The following AKAP10 variants were observed in gnomAD, a reference collection of about 807,000 sequenced individuals.
AKAP10 encodes the protein A-kinase anchoring protein 10.
AKAP10 carries 24 observed loss-of-function variants against 80.8 expected under a neutral mutation model. That is an observed-to-expected ratio of 0.30 (90% CI 0.22 to 0.42). The LOEUF is 0.42. Among genes scored for constraint, AKAP10 ranks in the 10% least tolerant of loss-of-function variants. The pLI, the probability that AKAP10 is intolerant of heterozygous loss-of-function variation, is 1.00. For synonymous variants in AKAP10, 291 were observed against 277.7 expected, an observed-to-expected ratio of 1.05 and a Z score of -0.48; for missense variants, 661 against 794.9, an observed-to-expected ratio of 0.83 and a Z score of 2.03.
chr17:19,950,440 C>G (rs908189154), intron 4 of AKAP10, among the ~76,000 whole-genome samples: 2 of 152,222 alleles, frequency 1.3e-5, no homozygotes, highest in Admixed American at 6.5e-5. Context: ...CTGCAGAGTG[C>G]CTGGGATTGC....
intron 4 of AKAP10, among the ~76,000 whole-genome samples, chr17:19,949,523 G>A (rs1473983547): frequency 6.6e-6 from 1 of 152,128 alleles, no homozygotes; most frequent in Non-Finnish European, 1.5e-5. Flanking sequence ...TGTAATCCCA[G>A]CACTTTGGGA....
At chr17:19,915,029 T>A (rs1426293478) in intron 12 of AKAP10, among the ~76,000 whole-genome samples, 3 of 152,198 alleles carry the variant, frequency 2.0e-5, no homozygotes, top group Non-Finnish European at 4.4e-5. Context: ...CAATAACGTA[T>A]GCATAGGGCA....
At chr17:19,966,608 GT>G (rs2043421460) in intron 2 of AKAP10, among the ~76,000 whole-genome samples, 1 of 152,216 alleles carries the variant, frequency 6.6e-6, no homozygotes, top group Admixed American at 6.5e-5. Flanking sequence ...GGATAAGTCA[GT>G]GAATGTTAAG....
At chr17:19,948,636 A>G (rs1436161222) in intron 4 of AKAP10, among the ~76,000 whole-genome samples, 1 of 152,164 alleles carries the variant, frequency 6.6e-6, no homozygotes, top group African/African-American at 2.4e-5. Context: ...CTTTCTAGCC[A>G]GACAACAGGA....
chr17:19,930,530 C>T (rs1191042288), intron 10 of AKAP10, among the ~76,000 whole-genome samples: 1 of 151,982 alleles, frequency 6.6e-6, no homozygotes, highest in Non-Finnish European at 1.5e-5. Context: ...CGCCTGTAAT[C>T]CCAGCACTTT....
rs2042629341 is a variant in AKAP10 at position 19,906,110 on chromosome 17, AAC to A, written c.*115_*116del. ...TTGTCTCCCATTCTCTCCTGGAAAC[AAC>A]AGTGACAGATCAGAAATATAGTGCT... On this transcript the variant is annotated 3_prime_UTR_variant, in exon 15 of 15. Transcript: ENST00000225737. The A allele has an allele frequency of 8.6e-7, 1 of 1,168,846 alleles. No individual in the cohort carries two copies. The highest frequency in any genetic ancestry group is 1.2e-6 in the Non-Finnish European group (1 of 807,426). The allele number at this position is 1,168,846 out of a possible 1,614,324, so 72.4% of individuals were successfully genotyped here.
intron 10 of AKAP10, among the ~76,000 whole-genome samples, chr17:19,930,621 C>T (rs1555574360): frequency 7.0e-6 from 1 of 143,100 alleles, no homozygotes. Flanking sequence ...TGTCTCTTTA[C>T]AAAAAAAAAA....
At chr17:19,950,496 A>T (rs1229918724) in intron 4 of AKAP10, among the ~76,000 whole-genome samples, 1 of 152,154 alleles carries the variant, frequency 6.6e-6, no homozygotes, top group Non-Finnish European at 1.5e-5. Context: ...TTTTTGGTGG[A>T]GACGGGGTTT....
intron 1 of AKAP10, among the ~76,000 whole-genome samples, chr17:19,975,158 C>G (rs2152420219): frequency 6.6e-6 from 1 of 152,274 alleles, no homozygotes; most frequent in East Asian, 1.9e-4. Flanking sequence ...TCCTGAGTAG[C>G]TGGGACCACA....
rs1420810768 is a variant in AKAP10, at chr17:19,962,982, A to AT, written c.176dup (p.Asn59LysfsTer28). ...GTCCTGCAGCCTCCAGCAAGGCATG[A>AT]TTTTTAGTGCTTTTTTGTGGGGAAT... On this transcript the variant is annotated frameshift_variant, in exon 3 of 15. Transcript: ENST00000225737. LOFTEE classifies it high-confidence loss of function. The AT allele has an allele frequency of 6.2e-7, 1 of 1,613,230 alleles. No individual in the cohort carries two copies. The highest frequency in any genetic ancestry group is 8.5e-7 in the Non-Finnish European group (1 of 1,179,416).
chr17:19,946,793 C>G (rs1286110732), intron 5 of AKAP10, among the ~76,000 whole-genome samples: 2 of 151,748 alleles, frequency 1.3e-5, no homozygotes, highest in African/African-American at 2.4e-5. Context: ...AGAAATGACA[C>G]TGTGTGTGGC....
At position 19,961,274 on chromosome 17, in the gene AKAP10, C is replaced by T. The variant is rs1439565262; in HGVS notation, c.319+1566G>A. Among the ~76,000 whole-genome samples, 7 of 151,662 alleles carry T rather than the reference C, an allele frequency of 4.6e-5. No individual in the cohort carries two copies. In the East Asian group the frequency reaches 1.4e-3, roughly 29 times the overall value. On this transcript the variant is annotated intron_variant, in intron 3 of 14. Transcript: ENST00000225737. ...GAGACTGAGGGAGGATCACCTGAACCTGAGGAGGGTGAGGCTGCAGTGAGT... is the reference window on the plus strand; with the variant it reads ...GAGACTGAGGGAGGATCACCTGAACTTGAGGAGGGTGAGGCTGCAGTGAGT...
intron 12 of AKAP10, among the ~76,000 whole-genome samples, chr17:19,911,923 TGTAAG>T (rs1444700775): frequency 6.9e-6 from 1 of 145,414 alleles, no homozygotes; most frequent in Non-Finnish European, 1.5e-5. Flanking sequence ...TAAAATGACA[TGTAAG>T]GGATTTATCA....
rs1254762649 is a variant in AKAP10 at position 19,977,132 on chromosome 17, C to G, written c.88+460G>C. On this transcript the variant is annotated intron_variant, in intron 1 of 14. Coordinates refer to ENST00000225737, the MANE Select transcript of AKAP10 (RefSeq NM_007202.4). ...TTTAGTAACAGCAGTAACTACCCCT[C>G]CCCCCAAAGAGGAAATTGGAAGACA... Among the ~76,000 whole-genome samples, 4 of 152,074 alleles carry G rather than the reference C, an allele frequency of 2.6e-5. No individual in the cohort carries two copies. The East Asian group carries it at 7.7e-4, about 29-fold the overall frequency.
intron 1 of AKAP10, among the ~76,000 whole-genome samples, chr17:19,969,086 G>A (rs1268232020): frequency 6.6e-6 from 1 of 152,206 alleles, no homozygotes; most frequent in Non-Finnish European, 1.5e-5. Flanking sequence ...GCTCACGCCT[G>A]TAATTCCAGC....
chr17:19,934,464 C>T (rs1389882363), intron 9 of AKAP10, among the ~76,000 whole-genome samples: 1 of 152,176 alleles, frequency 6.6e-6, no homozygotes, highest in Non-Finnish European at 1.5e-5. Flanking sequence ...CCTCCAGCTT[C>T]AGCCTCCTGA....
intron 4 of AKAP10, among the ~76,000 whole-genome samples, chr17:19,951,520 A>G (rs1207664039): frequency 2.6e-5 from 4 of 152,248 alleles, no homozygotes; most frequent in Non-Finnish European, 2.9e-5. Flanking sequence ...AAAGAAGTAG[A>G]CATGGGAGAC....
chr17:19,919,909 AACACAAGGTGAAAGAT>A, intron 12 of AKAP10, 111 bp downstream of exon 12: 1 of 711,104 alleles, frequency 1.4e-6, no homozygotes, highest in Non-Finnish European at 2.2e-6. Flanking sequence ...TCTGACTATA[AACACAAGGTGAAAGAT>A]ACAGTGGTTA....
intron 4 of AKAP10, 77 bp downstream of exon 4, chr17:19,957,937 T>C: frequency 7.2e-7 from 1 of 1,395,514 alleles, no homozygotes; most frequent in Non-Finnish European, 9.8e-7. Context: ...ATTTTATTCC[T>C]CATCTGAAGT....
Sources: allele counts gnomAD v4.1 joint callset (sites outside exome capture counted in the v4.1 genomes callset), GRCh38; gene constraint gnomAD v4.1.1; transcripts MANE v1.5; gene names NCBI Gene and HGNC (gene_info 2026-07-23, HGNC 2026-07-21).